The following RTL3 variants were observed in gnomAD, a reference collection of about 807,000 sequenced individuals.
RTL3 encodes retrotransposon Gag-like protein 3.
For synonymous variants in RTL3, 181 were observed against 132.2 expected (o/e 1.37, Z -2.53); for missense variants, 468 against 341.8 (o/e 1.37, Z -2.91).
rs41306247 is a variant in RTL3, at chrX:78,657,997, C to T, written c.424G>A (p.Ala142Thr). 0.022 allele frequency: 26,616 copies of T among 1,193,122 alleles called. 244 individuals carry two copies. Among genetic ancestry groups the T allele is most frequent in the Non-Finnish European group, 0.027 (24,163 of 889,678 alleles). The change falls in exon 2 of 2, where the codon GCA (alanine) becomes ACA (threonine). Residue 142 changes from alanine to threonine, a missense_variant. Ala to Thr is a moderately conservative substitution (Grantham distance 58). Transcript: ENST00000321110. ...IPTVLEGQGP[A>T]NTQDATIAQE... The stretch of plus-strand genomic sequence containing the variant: ...GCTATTGTGGCATCCTGGGTGTTTG[C>T]AGGCCCCTGGCCCTCCAAGACTGTT...
chrX:78,657,434 G>T lies in RTL3; in HGVS notation c.987C>A (p.Ile329=). The T allele has an allele frequency of 2.5e-6, 3 of 1,211,420 alleles. No homozygotes were observed. The Admixed American group carries it at 6.5e-5, about 26-fold the overall frequency. ...GACCCTCCCCTTGGCAGAGTTGATGGATGCACTGGTTGGCATCTTTCATGT... is the reference window on the plus strand; with the variant it reads ...GACCCTCCCCTTGGCAGAGTTGATGTATGCACTGGTTGGCATCTTTCATGT... ...PENMKDANQC[I]HQLCQGEGHV... is the part of the protein sequence containing the mutation. Residue 329 remains isoleucine, a synonymous_variant, in exon 2 of 2, where the codon ATC becomes ATA. Coordinates refer to ENST00000321110, the MANE Select transcript of RTL3 (RefSeq NM_152694.3).
chrX:78,657,728 T>C lies in RTL3; in HGVS notation c.693A>G (p.Leu231=), dbSNP rs780793394. 2.6e-5 allele frequency: 31 copies of C among 1,209,196 alleles called. No individual in the cohort carries two copies. Among genetic ancestry groups the C allele is most frequent in the Non-Finnish European group, 3.4e-5 (30 of 895,027 alleles). Reference sequence around the variant, plus strand: ...ATTGCAGGGGGAAATCTGTAGCCTCTAACCCAATAGGGGCCTGTGGAAACT... The same window carrying C: ...ATTGCAGGGGGAAATCTGTAGCCTCCAACCCAATAGGGGCCTGTGGAAACT... ...ASEFPQAPIG[L]EATDFPLQYT... The change falls in exon 2 of 2, where the codon TTA becomes TTG. Residue 231 remains leucine (L), a synonymous_variant. Coordinates refer to ENST00000321110, the MANE Select transcript of RTL3 (RefSeq NM_152694.3).
rs138349792 is a variant in RTL3, at chrX:78,657,112, C to T, written c.1309G>A (p.Val437Ile). The T allele has an allele frequency of 9.9e-6, 12 of 1,210,910 alleles. No homozygotes were observed. Among genetic ancestry groups the T allele is most frequent in the Non-Finnish European group, 1.1e-5 (10 of 895,452 alleles). The change falls in exon 2 of 2, where the codon GTC (valine) becomes ATC (isoleucine). Residue 437 changes from valine (V) to isoleucine (I), a missense_variant. Transcript: ENST00000321110. ...CATAAGCGGCCTTTGTGCCAACGGA[C>T]CCATTCAGCTTCACTGATGTGTGGG... is the stretch of plus-strand genomic sequence containing the variant. ...NCPHISEAEWVRWHKGRLCLY... is the reference protein window; with the variant it reads ...NCPHISEAEWIRWHKGRLCLY...
rs1569555327 is a variant in RTL3, at chrX:78,656,985, G to C, written c.*8C>G. 3 of 1,200,699 alleles carry C rather than the reference G, an allele frequency of 2.5e-6. No homozygotes were observed. The highest frequency in any genetic ancestry group is 3.4e-6 in the Non-Finnish European group (3 of 888,960). ...CATATTTGTAGATTGGCCCACGTGGGGTCCCCCTTACTGGCAGGCCTGGAT... is the reference window on the plus strand; with the variant it reads ...CATATTTGTAGATTGGCCCACGTGGCGTCCCCCTTACTGGCAGGCCTGGAT... On this transcript the variant is annotated 3_prime_UTR_variant, in exon 2 of 2. Coordinates refer to ENST00000321110, the MANE Select transcript of RTL3 (RefSeq NM_152694.3).
rs1923042645 is a variant in RTL3, at chrX:78,657,872, A to G, written c.549T>C (p.Leu183=). Residue 183 remains leucine, a synonymous_variant, in exon 2 of 2, where the codon CTT becomes CTC. Transcript: ENST00000321110. Reference sequence around the variant, plus strand: ...GAGGCTCCTGGGGAGGTGGAAGCTCAAGGAACTCTAGCTGTGCTGCAGTTT... The same window carrying G: ...GAGGCTCCTGGGGAGGTGGAAGCTCGAGGAACTCTAGCTGTGCTGCAGTTT... ...YQETAAQLEF[L]ELPPPQEPLE... is the part of the protein sequence containing the mutation. 8.3e-7 allele frequency: 1 copy of G among 1,207,278 alleles called. No homozygotes were observed.
chrX:78,656,632 T>C lies in RTL3; in HGVS notation c.*361A>G. 5.5e-6 allele frequency: 1 copy of C among 182,110 alleles called. No individual in the cohort carries two copies. The highest frequency in any genetic ancestry group is 1.7e-4 in the South Asian group (1 of 5,956). The allele number at this position is 182,110 out of a possible 1,213,427, so 15.0% of individuals were successfully genotyped here. ...GTTTGGGTCATGTGTCTCAAGCCAA[T>C]GGATTCCAATAATCAGAGGGTATCG... is the stretch of plus-strand genomic sequence containing the variant. On this transcript the variant is annotated 3_prime_UTR_variant, in exon 2 of 2. Coordinates refer to ENST00000321110, the MANE Select transcript of RTL3 (RefSeq NM_152694.3).
Position 78,657,551 on chromosome X carries a change from C to G in RTL3, c.870G>C (p.Trp290Cys), listed in dbSNP as rs763444156. The G allele has an allele frequency of 1.7e-6, 2 of 1,205,350 alleles. No individual in the cohort carries two copies. The highest frequency in any genetic ancestry group is 3.5e-5 in the African/African-American group (2 of 56,988). The change falls in exon 2 of 2, where the codon TGG becomes TGC. Residue 290 changes from tryptophan (W) to cysteine (C), a missense_variant. Coordinates refer to ENST00000321110, the MANE Select transcript of RTL3 (RefSeq NM_152694.3). ...TTTGGATATCCAGTAAGAGCTGGAA[C>G]CACCATCCTGCCCTACCTGAGAAGC... is the stretch of plus-strand genomic sequence containing the variant. ...GNCFSGRAGW[W>C]FQLLLDIQSP...
chrX:78,657,571 A>G lies in RTL3; in HGVS notation c.850T>C (p.Ser284Pro). ...TGGAACCACCATCCTGCCCTACCTG[A>G]GAAGCAATTGCCAACAAAGCTCACC... ...ALVSFVGNCF[S>P]GRAGWWFQLL... is the part of the protein sequence containing the mutation. The change falls in exon 2 of 2, where the codon TCA becomes CCA. Residue 284 changes from serine to proline, a missense_variant. By Grantham distance (74) the Ser-to-Pro change is moderately conservative. Transcript: ENST00000321110. The G allele has an allele frequency of 8.3e-7, 1 of 1,207,453 alleles. No homozygotes were observed. Among genetic ancestry groups the G allele is most frequent in the Middle Eastern group, 2.3e-4 (1 of 4,339 alleles).
In RTL3 at chrX:78,658,264, G is replaced by A. The variant is rs143898170; in HGVS notation, c.157C>T (p.Arg53Ter). ...GGCTCCTTGGCCTCTGAGGACTTTC[G>A]GAGTAGATCATACTCCTTGGCTGCT... The part of the protein sequence containing the change: ...SQAAKEYDLL[R>*]KSSEAKEPQK... The change falls in exon 2 of 2, where the codon CGA becomes TGA. Residue 53 changes from arginine to a stop codon, truncating the protein, a stop_gained. Transcript: ENST00000321110. LOFTEE classifies it low-confidence loss of function (END_TRUNC). 6.4e-5 allele frequency: 77 copies of A among 1,208,127 alleles called. No individual in the cohort carries two copies. The East Asian group carries it at 1.3e-3, about 21-fold the overall frequency.
intron 1 of RTL3, 88 bp from the exon 2 acceptor site, chrX:78,658,736 C>A (rs1051204634): frequency 3.3e-5 from 6 of 183,518 alleles, no homozygotes; most frequent in African/African-American, 1.8e-4. Flanking sequence ...TGCTGGGTTT[C>A]TTTTACCATA....
chrX:78,657,602 T>C lies in RTL3; in HGVS notation c.819A>G (p.Ala273=). 1 of 1,207,223 alleles carries C rather than the reference T, an allele frequency of 8.3e-7. No individual in the cohort carries two copies. Residue 273 remains alanine (A), a synonymous_variant, in exon 2 of 2, where the codon GCA becomes GCG. Coordinates refer to ENST00000321110, the MANE Select transcript of RTL3 (RefSeq NM_152694.3). ...AATTGCCAACAAAGCTCACCAGGGCTGCTTCAGTGGGATACAGGTGCCCTC... is the reference window on the plus strand; with the variant it reads ...AATTGCCAACAAAGCTCACCAGGGCCGCTTCAGTGGGATACAGGTGCCCTC... ...RVRGHLYPTE[A]ALVSFVGNCF... is the part of the protein sequence containing the mutation.
chrX:78,657,225 T>C lies in RTL3; in HGVS notation c.1196A>G (p.Asn399Ser), dbSNP rs752951281. The C allele has an allele frequency of 1.9e-5, 23 of 1,212,078 alleles. No individual in the cohort carries two copies. The South Asian group carries it at 3.9e-4, about 20-fold the overall frequency. Residue 399 changes from asparagine (N) to serine (S), a missense_variant, in exon 2 of 2, where the codon AAT becomes AGT. Transcript: ENST00000321110. The part of the protein sequence containing the change: ...CISLEEKPDP[N>S]PLGKSSSAEG... ...TGCAGAGGAACTTTTCCCTAATGGATTGGGATCAGGCTTCTCTTCCAGGCT... is the reference window on the plus strand; with the variant it reads ...TGCAGAGGAACTTTTCCCTAATGGACTGGGATCAGGCTTCTCTTCCAGGCT...
At position 78,657,793 on chromosome X, in the gene RTL3, G is replaced by A; in HGVS notation, c.628C>T (p.Leu210=). ...FLELSAAQES[L]EGLIVVETSA... ...GTCTCCACAACTATTAGACCCTCCA[G>A]GGACTCCTGGGCTGCTGAGAGTTCT... The change falls in exon 2 of 2, where the codon CTG becomes TTG. Residue 210 remains leucine, a synonymous_variant. Transcript: ENST00000321110. 8.3e-6 allele frequency: 10 copies of A among 1,211,616 alleles called. No homozygotes were observed. The highest frequency in any genetic ancestry group is 1.1e-5 in the Non-Finnish European group (10 of 895,493).
At position 78,656,793 on chromosome X, in the gene RTL3, A is replaced by G; in HGVS notation, c.*200T>C. 2.3e-6 allele frequency: 1 copy of G among 434,716 alleles called. No homozygotes were observed. The highest frequency in any genetic ancestry group is 3.8e-6 in the Non-Finnish European group (1 of 260,201). The allele number at this position is 434,716 out of a possible 1,213,427, so 35.8% of individuals were successfully genotyped here. A position where few individuals can be genotyped will look rare whatever the true frequency, so the allele number is the denominator to read the frequency against. Reference sequence around the variant, plus strand: ...CAGTTTCCAGCATCAGAGGGAAGATATTACTGCGGATGGGCAGCTTCTCTC... The same window carrying G: ...CAGTTTCCAGCATCAGAGGGAAGATGTTACTGCGGATGGGCAGCTTCTCTC... On this transcript the variant is annotated 3_prime_UTR_variant, in exon 2 of 2. Transcript: ENST00000321110.
In RTL3 at chrX:78,657,457, T is replaced by C. The variant is rs1923025160; in HGVS notation, c.964A>G (p.Met322Val). ...LQDTFDNPEN[M>V]KDANQCIHQL... ...TGGATGCACTGGTTGGCATCTTTCA[T>C]GTTTTCTGGATTATCAAAAGTATCC... is the stretch of plus-strand genomic sequence containing the variant. Residue 322 changes from methionine (M) to valine (V), a missense_variant, in exon 2 of 2, where the codon ATG (methionine) becomes GTG (valine). Transcript: ENST00000321110. The C allele has an allele frequency of 1.7e-6, 2 of 1,209,975 alleles. No individual in the cohort carries two copies. Among genetic ancestry groups the C allele is most frequent in the Non-Finnish European group, 1.1e-6 (1 of 894,516 alleles).
rs1164226503 is a variant in RTL3 at position 78,657,030 on chromosome X, T to A, written c.1391A>T (p.Gln464Leu). Reference protein sequence around the residue: ...FARDCPVKPHQALQAGNIQAC... With the variant: ...FARDCPVKPHLALQAGNIQAC... ...CTGGATGTTTCCCGCCTGCAGGGCC[T>A]GATGAGGCTTGACAGGGCAATCTCT... The change falls in exon 2 of 2, where the codon CAG (glutamine) becomes CTG (leucine). Residue 464 changes from glutamine (Q) to leucine (L), a missense_variant. By Grantham distance (113) the Gln-to-Leu change is moderately radical. Coordinates refer to ENST00000321110, the MANE Select transcript of RTL3 (RefSeq NM_152694.3). The A allele has an allele frequency of 8.3e-7, 1 of 1,209,959 alleles. No individual in the cohort carries two copies. Among genetic ancestry groups the A allele is most frequent in the East Asian group, 3.0e-5 (1 of 33,747 alleles).
Position 78,658,310 on chromosome X carries a change from G to T in RTL3, c.111C>A (p.Ile37=). ...MEENAALQAQ[I]PELQKSQAAK... is the part of the protein sequence containing the mutation. Reference sequence around the variant, plus strand: ...CTGCTTGGGACTTCTGAAGCTCTGGGATCTGGGCCTGGAGAGCAGCATTTT... The same window carrying T: ...CTGCTTGGGACTTCTGAAGCTCTGGTATCTGGGCCTGGAGAGCAGCATTTT... The change falls in exon 2 of 2, where the codon ATC becomes ATA. Residue 37 remains isoleucine (I), a synonymous_variant. Transcript: ENST00000321110. The T allele has an allele frequency of 8.3e-7, 1 of 1,211,238 alleles. No individual in the cohort carries two copies. Among genetic ancestry groups the T allele is most frequent in the Non-Finnish European group, 1.1e-6 (1 of 895,388 alleles).
At position 78,656,829 on chromosome X, in the gene RTL3, A is replaced by T. The variant is rs1922995505; in HGVS notation, c.*164T>A. The stretch of plus-strand genomic sequence containing the variant: ...TGGGCAGCTTCTCTCGAAGAACCAC[A>T]GTATGATCAATGCTGTTTCTGTAGG... On this transcript the variant is annotated 3_prime_UTR_variant, in exon 2 of 2. Transcript: ENST00000321110. 1.8e-6 allele frequency: 1 copy of T among 547,687 alleles called. No homozygotes were observed. Among genetic ancestry groups the T allele is most frequent in the Non-Finnish European group, 2.8e-6 (1 of 356,762 alleles). 45.1% of individuals were successfully genotyped at this position (547,687 alleles called of 1,213,427 possible). A position where few individuals can be genotyped will look rare whatever the true frequency, so the allele number is the denominator to read the frequency against.
rs772523538 is a variant in RTL3, at chrX:78,657,827, C to A, written c.594G>T (p.Gln198His). ...GGGCTGCTGAGAGTTCTAGGAATTC[C>A]TGGGCATTTGAAGGCTCCAGAGGCT... The part of the protein sequence containing the change: ...PQEPLEPSNA[Q>H]EFLELSAAQE... The change falls in exon 2 of 2, where the codon CAG becomes CAT. Residue 198 changes from glutamine to histidine, a missense_variant. Physicochemically the swap from Gln to His is conservative, Grantham distance 24 (BLOSUM62 0). Transcript: ENST00000321110. 9.9e-6 allele frequency: 12 copies of A among 1,209,337 alleles called. No individual in the cohort carries two copies. In the African/African-American group the frequency reaches 1.9e-4, roughly 19 times the overall value.
Sources: allele counts gnomAD v4.1 joint callset, GRCh38; gene constraint gnomAD v4.1.1; transcripts MANE v1.5; gene names NCBI Gene and HGNC (gene_info 2026-07-23, HGNC 2026-07-21).